The following GUCA2B variants were observed in gnomAD, a reference collection of about 807,000 sequenced individuals.
GUCA2B encodes the protein prepro-uroguanylin.
Under a neutral mutation model 11.1 loss-of-function variants are expected in GUCA2B, and 7 were observed. That is an observed-to-expected ratio of 0.63 (90% CI 0.36 to 1.18). The LOEUF (loss-of-function observed/expected upper bound fraction) is 1.18, where lower values mean the gene tolerates loss of function less well. GUCA2B is among the 50% of genes most tolerant of loss of function. GUCA2B has a pLI of 0.02. For synonymous variants in GUCA2B, 69 were observed against 65.3 expected, an observed-to-expected ratio of 1.06 and a Z score of -0.27; for missense variants, 140 against 142.5, an observed-to-expected ratio of 0.98 and a Z score of 0.09.
In GUCA2B at chr1:42,155,732, C is replaced by A. The variant is rs748561148; in HGVS notation, c.*136C>A. The A allele has an allele frequency of 1.3e-6, 1 of 746,720 alleles. No homozygotes were observed. Among genetic ancestry groups the A allele is most frequent in the East Asian group, 2.5e-5 (1 of 39,262 alleles). The allele number at this position is 746,720 out of a possible 1,614,324, so 46.3% of individuals were successfully genotyped here. A position where few individuals can be genotyped will look rare whatever the true frequency, so the allele number is the denominator to read the frequency against. On this transcript the variant is annotated 3_prime_UTR_variant, in exon 3 of 3. Coordinates refer to ENST00000372581, the MANE Select transcript of GUCA2B (RefSeq NM_007102.3). ...CATCACCACCCTTCCAGGGCCTGAGCAGCTGGATCTGGTACAAAGCAATCG... is the reference window on the plus strand; with the variant it reads ...CATCACCACCCTTCCAGGGCCTGAGAAGCTGGATCTGGTACAAAGCAATCG...
chr1:42,153,564 C>A, intron 1 of GUCA2B, 24 bp downstream of exon 1: 1 of 1,549,840 alleles, frequency 6.5e-7, no homozygotes. Context: ...CCAGCGTTCC[C>A]TTTGCCTGAA....
At chr1:42,153,679 A>G (rs1646094704) in intron 1 of GUCA2B, 139 bp downstream of exon 1, 1 of 628,226 alleles carries the variant, frequency 1.6e-6, no homozygotes, top group South Asian at 1.9e-5. Context: ...ATCACAGCCC[A>G]GAGACCAAGG....
Position 42,154,749 on chromosome 1 carries a change from A to C in GUCA2B, c.160A>C (p.Ser54Arg). ...LSDLEAQWAP[S>R]PRLQAQSLLP... ...TGACCTGGAGGCACAGTGGGCACCC[A>C]GCCCCCGCCTGCAGGCCCAGAGCCT... The change falls in exon 2 of 3, where the codon AGC becomes CGC. Residue 54 changes from serine to arginine, a missense_variant. By Grantham distance (110) the Ser-to-Arg change is moderately radical. Transcript: ENST00000372581. 4 of 1,613,994 alleles carry C rather than the reference A, an allele frequency of 2.5e-6. No individual in the cohort carries two copies. The highest frequency in any genetic ancestry group is 3.4e-6 in the Non-Finnish European group (4 of 1,179,862).
At chr1:42,153,882 G>A (rs1012835200) in intron 1 of GUCA2B, among the ~76,000 whole-genome samples, 8 of 152,196 alleles carry the variant, frequency 5.3e-5, no homozygotes, top group Non-Finnish European at 1.0e-4. Context: ...CCACAGTTCC[G>A]TATATTCACC....
intron 2 of GUCA2B, 52 bp from the exon 3 acceptor site, chr1:42,155,482 TG>T: frequency 7.0e-7 from 1 of 1,437,938 alleles, no homozygotes; most frequent in Non-Finnish European, 9.8e-7. Context: ...TTCTGCTGCC[TG>T]GCCACAGAGG....
chr1:42,153,410 G>C lies in GUCA2B; in HGVS notation c.-41G>C. The C allele has an allele frequency of 7.0e-7, 1 of 1,428,052 alleles. No individual in the cohort carries two copies. Among genetic ancestry groups the C allele is most frequent in the Non-Finnish European group, 9.8e-7 (1 of 1,017,644 alleles). 88.5% of individuals were successfully genotyped at this position (1,428,052 alleles called of 1,614,324 possible). ...GGAGGTGCTAGGCAGGGACACAGATGGGAGACGGTGGACAGCGGCAGGGGG... is the reference window on the plus strand; with the variant it reads ...GGAGGTGCTAGGCAGGGACACAGATCGGAGACGGTGGACAGCGGCAGGGGG... On this transcript the variant is annotated 5_prime_UTR_variant, in exon 1 of 3. Coordinates refer to ENST00000372581, the MANE Select transcript of GUCA2B (RefSeq NM_007102.3).
intron 1 of GUCA2B, among the ~76,000 whole-genome samples, chr1:42,153,905 G>A (rs2124011073): frequency 6.6e-6 from 1 of 152,300 alleles, no homozygotes; most frequent in East Asian, 1.9e-4. Flanking sequence ...CATGTAGGTG[G>A]AGGAGGACAG....
chr1:42,153,662 A>T (rs1646094651), intron 1 of GUCA2B, 122 bp downstream of exon 1: 1 of 679,768 alleles, frequency 1.5e-6, no homozygotes. Flanking sequence ...GGCTCAGCCC[A>T]ACACCCATCA....
At position 42,153,582 on chromosome 1, in the gene GUCA2B, A is replaced by G. The variant is rs201972805; in HGVS notation, c.90+42A>G. 9.0e-5 allele frequency: 124 copies of G among 1,383,066 alleles called. No homozygotes were observed. In the Middle Eastern group the frequency reaches 2.3e-3, roughly 26 times the overall value. 85.7% of individuals were successfully genotyped at this position (1,383,066 alleles called of 1,614,324 possible). On this transcript the variant is annotated intron_variant, in intron 1 of 2. Transcript: ENST00000372581. ...GCGTTCCCTTTGCCTGAAGGGCCCC[A>G]TGGTGGGAGGCTAGGCTGGAGAGGG...
At chr1:42,155,106 C>A (rs549361490) in intron 2 of GUCA2B, among the ~76,000 whole-genome samples, 1 of 152,180 alleles carries the variant, frequency 6.6e-6, no homozygotes, top group Non-Finnish European at 1.5e-5. Flanking sequence ...ACAATGGCTG[C>A]GTGGAGCAGA....
chr1:42,153,487 G>T lies in GUCA2B; in HGVS notation c.37G>T (p.Val13Leu). ...CRAASGLLPG[V>L]AVVLLLLLQS... is the part of the protein sequence containing the mutation. The stretch of plus-strand genomic sequence containing the variant: ...GGCTGCATCAGGGCTCCTGCCAGGA[G>T]TGGCCGTGGTCCTCCTGCTGCTGCT... The change falls in exon 1 of 3, where the codon GTG (valine) becomes TTG (leucine). Residue 13 changes from valine to leucine, a missense_variant. By Grantham distance (32) the Val-to-Leu change is conservative. Coordinates refer to ENST00000372581, the MANE Select transcript of GUCA2B (RefSeq NM_007102.3). The T allele has an allele frequency of 6.2e-7, 1 of 1,612,940 alleles. No individual in the cohort carries two copies.
chr1:42,154,896 G>A (rs1053922925), intron 2 of GUCA2B, 30 bp downstream of exon 2: 15 of 1,558,578 alleles, frequency 9.6e-6, no homozygotes, highest in African/African-American at 5.4e-5. Context: ...GCAGAACCTC[G>A]CTCTGTCTCC....
At chr1:42,154,333 G>A (rs576998934) in intron 1 of GUCA2B, among the ~76,000 whole-genome samples, 2 of 152,186 alleles carry the variant, frequency 1.3e-5, no homozygotes, top group African/African-American at 4.8e-5. Flanking sequence ...TCAGGCAGGC[G>A]TACTCAGTTA....
intron 2 of GUCA2B, among the ~76,000 whole-genome samples, chr1:42,155,149 G>C (rs1261630700): frequency 6.6e-6 from 1 of 152,240 alleles, no homozygotes; most frequent in Non-Finnish European, 1.5e-5. Flanking sequence ...CGATGGGACA[G>C]GGGTGTGAAA....
chr1:42,153,779 C>A (rs2124010862), intron 1 of GUCA2B, among the ~76,000 whole-genome samples: 1 of 152,332 alleles, frequency 6.6e-6, no homozygotes. Context: ...CCCTCAAAGG[C>A]CCGTGCTGGT....
chr1:42,153,633 G>T (rs565035634), intron 1 of GUCA2B, 93 bp downstream of exon 1: 1 of 873,232 alleles, frequency 1.1e-6, no homozygotes, highest in Admixed American at 2.1e-5. Context: ...GAGGGGCACC[G>T]GGGGAGCACG....
intron 1 of GUCA2B, among the ~76,000 whole-genome samples, chr1:42,154,208 C>T (rs1376851744): frequency 1.3e-5 from 2 of 152,120 alleles, no homozygotes; most frequent in South Asian, 4.1e-4. Flanking sequence ...TGGGCATGGT[C>T]TCCTTGGGAA....
At position 42,153,607 on chromosome 1, in the gene GUCA2B, G is replaced by T. The variant is rs1219454260; in HGVS notation, c.90+67G>T. Reference sequence around the variant, plus strand: ...ATGGTGGGAGGCTAGGCTGGAGAGGGTGTACTGGGAATTCAGAGGGGCACC... The same window carrying T: ...ATGGTGGGAGGCTAGGCTGGAGAGGTTGTACTGGGAATTCAGAGGGGCACC... On this transcript the variant is annotated intron_variant, in intron 1 of 2. Coordinates refer to ENST00000372581, the MANE Select transcript of GUCA2B (RefSeq NM_007102.3). 3.4e-6 allele frequency: 4 copies of T among 1,185,716 alleles called. No individual in the cohort carries two copies. In the South Asian group the frequency reaches 3.8e-5, roughly 11 times the overall value. 73.4% of individuals were successfully genotyped at this position (1,185,716 alleles called of 1,614,324 possible). A position where few individuals can be genotyped will look rare whatever the true frequency, so the allele number is the denominator to read the frequency against.
At chr1:42,153,835 G>T (rs1238964166) in intron 1 of GUCA2B, among the ~76,000 whole-genome samples, 2 of 152,224 alleles carry the variant, frequency 1.3e-5, no homozygotes, top group African/African-American at 4.8e-5. Context: ...TTGCATGGGA[G>T]GAGGCCAGAA....
Sources: gnomAD v4.1 joint callset for allele counts (sites outside exome capture counted in the v4.1 genomes callset) on GRCh38, gnomAD v4.1.1 for gene constraint, MANE v1.5 for transcripts, NCBI Gene and HGNC (gene_info 2026-07-23, HGNC 2026-07-21) for gene names.